Variants in GRM8 observed in about 807,000 individuals in gnomAD.
The protein encoded by GRM8 is metabotropic glutamate receptor 8.
GRM8 carries 47 observed loss-of-function variants against 87.2 expected under a neutral mutation model. The ratio of observed to expected loss-of-function variants is 0.54; its 90% CI spans 0.43 to 0.69. GRM8 has a LOEUF of 0.69. Ranked by LOEUF, GRM8 falls within the 30% of genes least tolerant of loss-of-function variation. GRM8 has a pLI of 0.00. For synonymous variants in GRM8, 396 were observed against 404.5 expected, an observed-to-expected ratio of 0.98 and a Z score of 0.25; for missense variants, 1,019 against 1,139.2, an observed-to-expected ratio of 0.89 and a Z score of 1.52.
At chr7:127,241,010 G>T in intron 2 of GRM8, among the ~76,000 whole-genome samples, 1 of 152,310 alleles carries the variant, frequency 6.6e-6, no homozygotes, top group East Asian at 1.9e-4. Flanking sequence ...GTCAAGAGGC[G>T]CTTCTTAATG....
intron 2 of GRM8, among the ~76,000 whole-genome samples, chr7:127,236,941 A>G (rs867134773): frequency 2.6e-5 from 4 of 152,200 alleles, no homozygotes; most frequent in South Asian, 2.1e-4. Flanking sequence ...AAGTAGGTAA[A>G]CAACTACAAC....
intron 6 of GRM8, among the ~76,000 whole-genome samples, chr7:126,890,440 C>T (rs991538757): frequency 1.3e-5 from 2 of 152,038 alleles, no homozygotes; most frequent in Non-Finnish European, 2.9e-5. Flanking sequence ...CACATATCTA[C>T]AAGAAAAGCC....
chr7:127,248,887 A>T (rs1000013556), intron 1 of GRM8, among the ~76,000 whole-genome samples: 1 of 152,226 alleles, frequency 6.6e-6, no homozygotes, highest in South Asian at 2.1e-4. Context: ...ACTGGAAAGG[A>T]CGCAAGAAGA....
chr7:127,241,512 C>T (rs1030983823), intron 2 of GRM8, among the ~76,000 whole-genome samples: 4 of 151,018 alleles, frequency 2.6e-5, no homozygotes, highest in Admixed American at 2.6e-4. Context: ...CGGCTCATCG[C>T]AACCTCCACC....
At chr7:126,763,337 T>C (rs946302776) in intron 7 of GRM8, among the ~76,000 whole-genome samples, 1 of 146,158 alleles carries the variant, frequency 6.8e-6, no homozygotes, top group Admixed American at 6.9e-5. Context: ...GATAATACTT[T>C]CTTATGTGGA....
intron 2 of GRM8, among the ~76,000 whole-genome samples, chr7:127,113,308 A>G (rs1826494323): frequency 6.6e-6 from 1 of 152,196 alleles, no homozygotes; most frequent in Admixed American, 6.5e-5. Context: ...TGACAAGGCT[A>G]GCAAAAAGCC....
chr7:126,520,660 T>C (rs528756037), intron 9 of GRM8, among the ~76,000 whole-genome samples: 21 of 152,002 alleles, frequency 1.4e-4, no homozygotes, highest in Non-Finnish European at 2.9e-4. Context: ...GAGGGGAAGA[T>C]ATAAAATGAG....
Position 127,236,921 on chromosome 7 carries a change from G to A in GRM8, c.510+5774C>T, listed in dbSNP as rs571544624. 2.0e-5 allele frequency among the ~76,000 whole-genome samples: 3 copies of A among 152,102 alleles called. No homozygotes were observed. The South Asian group carries it at 6.2e-4, about 32-fold the overall frequency. On this transcript the variant is annotated intron_variant, in intron 2 of 10. Coordinates refer to ENST00000339582, the MANE Select transcript of GRM8 (RefSeq NM_000845.3). ...CACATGGTGCTTACAGTCTAGTGGG[G>A]GATGCAGACAAGTAGGTAAACAACT...
At chr7:126,839,098 T>A (rs116504169) in intron 6 of GRM8, among the ~76,000 whole-genome samples, 3,051 of 152,194 alleles carry the variant, frequency 0.02, 111 homozygotes, top group African/African-American at 0.07. Context: ...ACTACCACCA[T>A]ACACTGCATG....
rs1379486144 is a variant in GRM8, at chr7:126,533,377, T to G, written c.2005A>C (p.Lys669Gln). The change falls in exon 9 of 11, where the codon AAA (lysine) becomes CAA (glutamine). Residue 669 changes from lysine to glutamine, a missense_variant. By Grantham distance (53) the Lys-to-Gln change is moderately conservative (BLOSUM62 1). Coordinates refer to ENST00000339582, the MANE Select transcript of GRM8 (RefSeq NM_000845.3). ...AATATTCGGTGGATACGGTTTGTTT[T>G]GGTCAGAAGGGCTGCATAGCTGAAA... ...MCFSYAALLT[K>Q]TNRIHRIFEQ... The G allele has an allele frequency of 1.2e-6, 2 of 1,613,850 alleles. No individual in the cohort carries two copies. The highest frequency in any genetic ancestry group is 1.7e-6 in the Non-Finnish European group (2 of 1,179,982).
chr7:127,020,369 T>C (rs1227375924), intron 3 of GRM8, among the ~76,000 whole-genome samples: 1 of 152,032 alleles, frequency 6.6e-6, no homozygotes, highest in African/African-American at 2.4e-5. Context: ...CTTTCTGTGA[T>C]CTCTCACATT....
At chr7:126,730,268 G>A (rs1019385655) in intron 7 of GRM8, among the ~76,000 whole-genome samples, 6 of 152,102 alleles carry the variant, frequency 3.9e-5, no homozygotes, top group Admixed American at 3.9e-4. Flanking sequence ...TCATAATGAA[G>A]GCTATGAAGC....
At chr7:127,104,208 TG>T (rs1825597136) in intron 3 of GRM8, among the ~76,000 whole-genome samples, 2 of 152,084 alleles carry the variant, frequency 1.3e-5, no homozygotes, top group African/African-American at 4.8e-5. Flanking sequence ...ATTTTATTAA[TG>T]GGCAGACACT....
chr7:127,100,580 G>C (rs1825140866), intron 3 of GRM8, among the ~76,000 whole-genome samples: 1 of 152,180 alleles, frequency 6.6e-6, no homozygotes, highest in African/African-American at 2.4e-5. Context: ...CACATGGCTG[G>C]GGGTGGCCTC....
chr7:126,535,332 T>G (rs979277074), intron 8 of GRM8, among the ~76,000 whole-genome samples: 1 of 152,022 alleles, frequency 6.6e-6, no homozygotes, highest in Non-Finnish European at 1.5e-5. Context: ...TTCACTCGAG[T>G]GGAAGCACTC....
chr7:126,916,693 G>A (rs1803942937), intron 3 of GRM8, among the ~76,000 whole-genome samples: 1 of 152,210 alleles, frequency 6.6e-6, no homozygotes, highest in Non-Finnish European at 1.5e-5. Context: ...AGATACAGTG[G>A]CTGAGATTCT....
At chr7:127,003,954 T>C (rs1814001929) in intron 3 of GRM8, among the ~76,000 whole-genome samples, 1 of 151,762 alleles carries the variant, frequency 6.6e-6, no homozygotes, top group Non-Finnish European at 1.5e-5. Flanking sequence ...TCTGTATATA[T>C]ACTTACATTA....
At chr7:126,705,466 A>G (rs536039059) in intron 7 of GRM8, among the ~76,000 whole-genome samples, 2 of 152,164 alleles carry the variant, frequency 1.3e-5, no homozygotes, top group Non-Finnish European at 2.9e-5. Flanking sequence ...CCACTTAAAT[A>G]TATTTGTTTG....
At chr7:126,596,212 A>G (rs1394495578) in intron 8 of GRM8, among the ~76,000 whole-genome samples, 4 of 152,334 alleles carry the variant, frequency 2.6e-5, no homozygotes, top group Middle Eastern at 3.4e-3. Flanking sequence ...TCCTGTTTTA[A>G]GTTCTTTGAG....
Sources: gnomAD v4.1 joint callset for allele counts (sites outside exome capture counted in the v4.1 genomes callset) on GRCh38, gnomAD v4.1.1 for gene constraint, MANE v1.5 for transcripts, NCBI Gene and HGNC (gene_info 2026-07-23, HGNC 2026-07-21) for gene names.